CNTN4: variants seen among roughly 807,000 people sequenced by gnomAD.
CNTN4 encodes the protein contactin-4.
A neutral mutation model predicts 122.5 loss-of-function variants in CNTN4; 77 were observed. The ratio of observed to expected loss-of-function variants is 0.63; its 90% confidence interval spans 0.52 to 0.76. CNTN4 has a LOEUF of 0.76. Ranked by LOEUF, CNTN4 falls within the 30% of genes least tolerant of loss-of-function variation. The pLI is 0.00. For synonymous variants in CNTN4, 512 were observed against 447.0 expected, an observed-to-expected ratio of 1.15 and a Z score of -1.83; for missense variants, 1,256 against 1,259.1, an observed-to-expected ratio of 1.00 and a Z score of 0.04.
chr3:2,690,613 A>G (rs1326105486), intron 4 of CNTN4, among the ~76,000 whole-genome samples: 1 of 152,090 alleles, frequency 6.6e-6, no homozygotes, highest in Non-Finnish European at 1.5e-5. Flanking sequence ...TCCATCATCA[A>G]GTGACAAAGC....
At chr3:2,365,296 G>C (rs1343181341) in intron 3 of CNTN4, among the ~76,000 whole-genome samples, 1 of 152,030 alleles carries the variant, frequency 6.6e-6, no homozygotes, top group Non-Finnish European at 1.5e-5. Context: ...GCTCCTCTTG[G>C]TCCCTCATGT....
chr3:2,209,792 C>G (rs1030639508), intron 2 of CNTN4, among the ~76,000 whole-genome samples: 1 of 151,972 alleles, frequency 6.6e-6, no homozygotes, highest in Non-Finnish European at 1.5e-5. Flanking sequence ...GTTGGCAATT[C>G]CTGTGCTCCT....
chr3:2,295,248 G>A (rs376016688), intron 2 of CNTN4, among the ~76,000 whole-genome samples: 57 of 141,424 alleles, frequency 4.0e-4, no homozygotes, highest in African/African-American at 1.5e-3. Context: ...CTGAGGAATC[G>A]CCACACTGAC....
At chr3:2,691,255 T>C (rs1388400484) in intron 4 of CNTN4, among the ~76,000 whole-genome samples, 1 of 152,184 alleles carries the variant, frequency 6.6e-6, no homozygotes, top group African/African-American at 2.4e-5. Context: ...ATTGATCATA[T>C]TATAAACCAC....
At chr3:2,150,532 G>C (rs1373479998) in intron 2 of CNTN4, among the ~76,000 whole-genome samples, 1 of 152,048 alleles carries the variant, frequency 6.6e-6, no homozygotes, top group Non-Finnish European at 1.5e-5. Flanking sequence ...CTGGTTATTT[G>C]TCTACAGATC....
chr3:2,924,353 C>T (rs1238074027), intron 12 of CNTN4, among the ~76,000 whole-genome samples: 1 of 151,876 alleles, frequency 6.6e-6, no homozygotes, highest in Non-Finnish European at 1.5e-5. Flanking sequence ...CTCAAGTTCT[C>T]CTTTAAGTAA....
intron 6 of CNTN4, among the ~76,000 whole-genome samples, chr3:2,770,252 A>C (rs1576724255): frequency 6.7e-6 from 1 of 149,800 alleles, no homozygotes; most frequent in African/African-American, 2.5e-5. Context: ...CTGGTCTTGA[A>C]CTCCTGACCT....
At chr3:2,750,012 A>G (rs1306448414) in intron 6 of CNTN4, among the ~76,000 whole-genome samples, 1 of 152,202 alleles carries the variant, frequency 6.6e-6, no homozygotes, top group East Asian at 1.9e-4. Flanking sequence ...CATGCAAGTG[A>G]GAATATTTCT....
intron 7 of CNTN4, among the ~76,000 whole-genome samples, chr3:2,844,008 G>A (rs370721845): frequency 1.4e-4 from 22 of 152,206 alleles, no homozygotes; most frequent in Admixed American, 2.0e-4. Flanking sequence ...CCATCTGTCC[G>A]TCATTATGTC....
chr3:2,215,883 C>CAAAAA (rs869205172), intron 2 of CNTN4, among the ~76,000 whole-genome samples: 4,871 of 60,002 alleles, frequency 0.081, 669 homozygotes, highest in African/African-American at 0.15. Flanking sequence ...GCCTCTGTCT[C>CAAAAA]AAAAAAAAAA....
At chr3:2,264,699 CTTT>C (rs1177356313) in intron 2 of CNTN4, among the ~76,000 whole-genome samples, 1 of 151,832 alleles carries the variant, frequency 6.6e-6, no homozygotes, top group Non-Finnish European at 1.5e-5. Context: ...CCCCAAAAAT[CTTT>C]TTTGAGACCA....
chr3:2,962,561 A>G (rs1183955784), intron 13 of CNTN4, among the ~76,000 whole-genome samples: 3 of 152,218 alleles, frequency 2.0e-5, no homozygotes, highest in African/African-American at 7.2e-5. Context: ...GGAAACAGGA[A>G]AGGCAGAAGC....
At chr3:2,467,445 G>A (rs939290013) in intron 3 of CNTN4, among the ~76,000 whole-genome samples, 4 of 152,134 alleles carry the variant, frequency 2.6e-5, no homozygotes, top group African/African-American at 9.7e-5. Context: ...TGTGTGAAAT[G>A]CATCTTAACA....
chr3:2,424,413 GCATAGTATTC>G (rs1160387089), intron 3 of CNTN4, among the ~76,000 whole-genome samples: 1 of 151,900 alleles, frequency 6.6e-6, no homozygotes, highest in Non-Finnish European at 1.5e-5. Flanking sequence ...TTTTATGGCC[GCATAGTATTC>G]CATGGTATAT....
chr3:2,344,680 CCT>C (rs905991783), intron 3 of CNTN4, among the ~76,000 whole-genome samples: 6 of 152,108 alleles, frequency 3.9e-5, no homozygotes, highest in Admixed American at 3.3e-4. Context: ...TTACTGACTA[CCT>C]CTCTCATATT....
intron 4 of CNTN4, among the ~76,000 whole-genome samples, chr3:2,622,713 C>G (rs1019591044): frequency 6.6e-6 from 1 of 152,204 alleles, no homozygotes; most frequent in Non-Finnish European, 1.5e-5. Context: ...TATACATTAT[C>G]TTAGCCTACC....
chr3:2,515,096 AC>A (rs534827752), intron 3 of CNTN4, among the ~76,000 whole-genome samples: 379 of 152,130 alleles, frequency 2.5e-3, no homozygotes, highest in African/African-American at 8.8e-3. Context: ...CATTTGCATA[AC>A]CTGTTTGCGG....
chr3:2,163,857 C>A (rs2036070041), intron 2 of CNTN4, among the ~76,000 whole-genome samples: 1 of 151,994 alleles, frequency 6.6e-6, no homozygotes, highest in South Asian at 2.1e-4. Context: ...AGATATTGGC[C>A]TGAAAGTGGT....
intron 4 of CNTN4, among the ~76,000 whole-genome samples, chr3:2,633,881 G>A (rs1576296451): frequency 6.6e-6 from 1 of 152,166 alleles, no homozygotes; most frequent in Non-Finnish European, 1.5e-5. Flanking sequence ...TGAGAGTAAA[G>A]TAGTATAGTG....
Sources: gnomAD v4.1 joint callset for allele counts (sites outside exome capture counted in the v4.1 genomes callset) on GRCh38, gnomAD v4.1.1 for gene constraint, MANE v1.5 for transcripts, NCBI Gene and HGNC (gene_info 2026-07-23, HGNC 2026-07-21) for gene names.